The following BMPR1B variants were observed in gnomAD, a reference collection of about 807,000 sequenced individuals.
BMPR1B encodes the protein bone morphogenetic protein receptor type-1B.
Under a neutral mutation model 59.1 loss-of-function variants are expected in BMPR1B, and 12 were observed. The ratio of observed to expected loss-of-function variants is 0.20; its 90% confidence interval spans 0.13 to 0.33. The LOEUF is 0.33. BMPR1B is among the 10% of genes least tolerant of loss of function. The pLI is 1.00. For synonymous variants in BMPR1B, 237 were observed against 207.3 expected (o/e 1.14, Z -1.23); for missense variants, 550 against 610.9 (o/e 0.90, Z 1.05).
At chr4:94,780,774 C>T (rs544166541) in intron 1 of BMPR1B, among the ~76,000 whole-genome samples, 25 of 150,654 alleles carry the variant, frequency 1.7e-4, no homozygotes, top group African/African-American at 4.4e-4. Flanking sequence ...CTGCAAGCTC[C>T]GCCTCCCTTG....
At position 95,116,421 on chromosome 4, in the gene BMPR1B, G is replaced by GCGCACACACACACACA; in HGVS notation, c.349+635_349+636insGCACACACACACACAC. Reference sequence around the variant, plus strand: ...CTCCTCCTCCATGCTTTCAGCGCGCGCACACACACACACACACACACACAC... The same window carrying GCGCACACACACACACA: ...CTCCTCCTCCATGCTTTCAGCGCGCGCGCACACACACACACACACACACACACACACACACACACAC... On this transcript the variant is annotated intron_variant, in intron 6 of 12. Coordinates refer to ENST00000515059, the MANE Select transcript of BMPR1B (RefSeq NM_001203.3). 1.4e-3 allele frequency among the ~76,000 whole-genome samples: 170 copies of GCGCACACACACACACA among 123,242 alleles called. 2 individuals carry two copies. The highest frequency in any genetic ancestry group is 4.6e-3 in the African/African-American group (128 of 27,852). 80.9% of individuals were successfully genotyped at this position (123,242 alleles called of 152,430 possible).
intron 2 of BMPR1B, among the ~76,000 whole-genome samples, chr4:94,899,000 G>A (rs1017238005): frequency 5.3e-5 from 8 of 152,082 alleles, no homozygotes; most frequent in Non-Finnish European, 1.2e-4. Flanking sequence ...TTGTCCCTGA[G>A]TTGGAATCAA....
chr4:95,093,435 ATGTCTGC>A lies in BMPR1B; in HGVS notation c.-17-10970_-17-10964del, dbSNP rs1730140388. Among the ~76,000 whole-genome samples, 6 of 1,584 alleles carry A rather than the reference ATGTCTGC, an allele frequency of 3.8e-3. No individual in the cohort carries two copies. The South Asian group carries it at 0.073, about 19-fold the overall frequency. The allele number at this position is 1,584 out of a possible 152,430, so 1.0% of individuals were successfully genotyped here. A position where few individuals can be genotyped will look rare whatever the true frequency, so the allele number is the denominator to read the frequency against. ...TATTCCTGCTGAGGTTTATAATTCT[ATGTCTGC>A]TGAGGTTTATAATTCTATGTCAATT... On this transcript the variant is annotated intron_variant, in intron 3 of 12. Transcript: ENST00000515059.
In BMPR1B at chr4:94,924,279, C is replaced by G. The variant is rs180724966; in HGVS notation, c.-113+48379C>G. On this transcript the variant is annotated intron_variant, in intron 2 of 12. Transcript: ENST00000515059. ...TAATTATTTCCTTGCCCTTAAGTTT[C>G]TAAGCAAAACTTACTGTACTCTTAA... 3.9e-3 allele frequency among the ~76,000 whole-genome samples: 590 copies of G among 152,156 alleles called. 8 individuals carry two copies. Among genetic ancestry groups the G allele is most frequent in the African/African-American group, 0.014 (568 of 41,532 alleles).
intron 1 of BMPR1B, among the ~76,000 whole-genome samples, chr4:94,767,627 A>G (rs915066182): frequency 1.3e-5 from 2 of 152,144 alleles, no homozygotes; most frequent in Admixed American, 1.3e-4. Flanking sequence ...GAAAAACCAT[A>G]CTACACTGTT....
intron 1 of BMPR1B, among the ~76,000 whole-genome samples, 169 bp from the exon 2 acceptor site, chr4:94,875,662 C>T (rs973337919): frequency 2.0e-5 from 3 of 152,102 alleles, no homozygotes; most frequent in African/African-American, 4.8e-5. Flanking sequence ...CCAGCCTGGG[C>T]GATGGAGCGA....
intron 3 of BMPR1B, among the ~76,000 whole-genome samples, chr4:95,086,130 A>G (rs1729556798): frequency 6.6e-6 from 1 of 152,244 alleles, no homozygotes; most frequent in Non-Finnish European, 1.5e-5. Context: ...ACATTCATAA[A>G]GCTATGACTA....
chr4:95,055,913 C>T (rs1449213814), intron 3 of BMPR1B, among the ~76,000 whole-genome samples: 3 of 152,180 alleles, frequency 2.0e-5, no homozygotes, highest in African/African-American at 7.2e-5. Context: ...TGTAAGCCAA[C>T]TGAATCTGAA....
At chr4:94,926,303 T>G (rs1028182425) in intron 2 of BMPR1B, among the ~76,000 whole-genome samples, 2 of 152,064 alleles carry the variant, frequency 1.3e-5, no homozygotes, top group African/African-American at 4.8e-5. Context: ...AAATTTTGTA[T>G]CAGACTCTTC....
At chr4:95,087,251 C>CT (rs1413942291) in intron 3 of BMPR1B, among the ~76,000 whole-genome samples, 3 of 152,044 alleles carry the variant, frequency 2.0e-5, no homozygotes, top group Non-Finnish European at 2.9e-5. Flanking sequence ...TGGTCACGAA[C>CT]TTTGTCTCAT....
At chr4:94,758,263 T>C (rs1721604538) in intron 1 of BMPR1B, among the ~76,000 whole-genome samples, 195 bp downstream of exon 1, 1 of 144,288 alleles carries the variant, frequency 6.9e-6, no homozygotes, top group South Asian at 2.2e-4. Context: ...GAGGGCGGGC[T>C]GCGCGGCCGT....
intron 1 of BMPR1B, among the ~76,000 whole-genome samples, chr4:94,777,878 T>C (rs1305769718): frequency 2.6e-5 from 4 of 151,966 alleles, no homozygotes; most frequent in Non-Finnish European, 4.4e-5. Context: ...ATACAAAAAT[T>C]AGCTGGGCGT....
chr4:94,944,841 T>A (rs549827565), intron 2 of BMPR1B, among the ~76,000 whole-genome samples: 1 of 152,228 alleles, frequency 6.6e-6, no homozygotes, highest in Non-Finnish European at 1.5e-5. Context: ...GGCCTGACTG[T>A]ATGGGACACA....
chr4:94,878,251 T>A (rs985212929), intron 2 of BMPR1B, among the ~76,000 whole-genome samples: 3 of 152,228 alleles, frequency 2.0e-5, no homozygotes, highest in East Asian at 3.8e-4. Context: ...TGCTATTTTT[T>A]AATTCCTTCT....
At chr4:94,825,178 G>C (rs1724340233) in intron 1 of BMPR1B, among the ~76,000 whole-genome samples, 1 of 152,060 alleles carries the variant, frequency 6.6e-6, no homozygotes, top group Admixed American at 6.6e-5. Flanking sequence ...CCCATCCTCT[G>C]GCTGTTAGCA....
intron 1 of BMPR1B, among the ~76,000 whole-genome samples, chr4:94,865,173 C>T (rs1726165953): frequency 6.6e-6 from 1 of 151,640 alleles, no homozygotes; most frequent in Admixed American, 6.6e-5. Context: ...CCGTGCCTGA[C>T]TAATTTTGTA....
At chr4:95,054,563 G>A (rs1435863324) in intron 3 of BMPR1B, among the ~76,000 whole-genome samples, 1 of 152,102 alleles carries the variant, frequency 6.6e-6, no homozygotes, top group Admixed American at 6.5e-5. Context: ...ACTTGAAATG[G>A]ATTATGTTTA....
chr4:95,104,630 A>G (rs891086276), intron 4 of BMPR1B, 63 bp downstream of exon 4: 1 of 1,585,276 alleles, frequency 6.3e-7, no homozygotes, highest in Non-Finnish European at 8.7e-7. Flanking sequence ...CAACTATGCA[A>G]CTGTAGGCTA....
At chr4:94,851,054 T>C (rs1725550550) in intron 1 of BMPR1B, among the ~76,000 whole-genome samples, 1 of 151,764 alleles carries the variant, frequency 6.6e-6, no homozygotes, top group South Asian at 2.1e-4. Flanking sequence ...TTCTCAGGTT[T>C]TTTTTTCTTC....
Sources: gnomAD v4.1 joint callset for allele counts (sites outside exome capture counted in the v4.1 genomes callset) on GRCh38, gnomAD v4.1.1 for gene constraint, MANE v1.5 for transcripts, NCBI Gene and HGNC (gene_info 2026-07-23, HGNC 2026-07-21) for gene names.